The following CSMD1 variants were observed in gnomAD, a reference collection of about 807,000 sequenced individuals.
CSMD1 encodes the protein CUB and sushi domain-containing protein 1.
Under a neutral mutation model 417.5 loss-of-function variants are expected in CSMD1, and 213 were observed. The observed-to-expected ratio is 0.51, with a 90% CI of 0.46 to 0.57. CSMD1 has a LOEUF of 0.57. CSMD1 is among the 20% of genes least tolerant of loss of function. The pLI, the probability that CSMD1 is intolerant of heterozygous loss-of-function variation, is 0.00. For missense variants in CSMD1, 6,923 were observed against 4,529.7 expected (o/e 1.53, Z -15.17); for synonymous variants, 2,862 against 1,736.8 (o/e 1.65, Z -16.11).
At chr8:4,875,824 GACAC>G (rs146525901) in intron 1 of CSMD1, among the ~76,000 whole-genome samples, 17 of 149,936 alleles carry the variant, frequency 1.1e-4, no homozygotes, top group African/African-American at 2.2e-4. Flanking sequence ...CACAGAGACA[GACAC>G]ACACACACAC....
chr8:4,746,863 C>A (rs1339557249), intron 1 of CSMD1, among the ~76,000 whole-genome samples: 11 of 152,190 alleles, frequency 7.2e-5, no homozygotes, highest in Admixed American at 6.5e-4. Flanking sequence ...ACTCTGCAAA[C>A]AACATTCTTT....
intron 2 of CSMD1, among the ~76,000 whole-genome samples, chr8:4,603,463 C>G (rs573244308): frequency 9.9e-4 from 151 of 152,070 alleles, no homozygotes; most frequent in Admixed American, 3.5e-3. Context: ...AAGTTTGATC[C>G]TAACAAATGT....
At chr8:3,262,132 A>T (rs1801110979) in intron 26 of CSMD1, among the ~76,000 whole-genome samples, 1 of 145,816 alleles carries the variant, frequency 6.9e-6, no homozygotes, top group Non-Finnish European at 1.5e-5. Context: ...TATTCATTTG[A>T]ATTATGGACA....
At chr8:3,799,983 C>A (rs936971351) in intron 5 of CSMD1, among the ~76,000 whole-genome samples, 4 of 152,150 alleles carry the variant, frequency 2.6e-5, no homozygotes, top group Non-Finnish European at 5.9e-5. Context: ...GCATTTCACT[C>A]TGAAGTCCAC....
chr8:3,846,404 C>T (rs1320219440), intron 5 of CSMD1, among the ~76,000 whole-genome samples: 1 of 151,296 alleles, frequency 6.6e-6, no homozygotes, highest in Non-Finnish European at 1.5e-5. Flanking sequence ...AATAGATAAA[C>T]ATATGTAAGT....
chr8:3,454,293 G>C (rs55804612), intron 12 of CSMD1, among the ~76,000 whole-genome samples: 14,994 of 152,110 alleles, frequency 0.099, 884 homozygotes, highest in East Asian at 0.25. Context: ...CTTTTAATTG[G>C]AGCATTTGGC....
intron 23 of CSMD1, among the ~76,000 whole-genome samples, chr8:3,322,147 A>T (rs1468664729): frequency 6.6e-6 from 1 of 152,236 alleles, no homozygotes; most frequent in Non-Finnish European, 1.5e-5. Context: ...GGTCATAATG[A>T]GTTTGAGGAT....
At chr8:4,575,319 A>T (rs184160688) in intron 2 of CSMD1, among the ~76,000 whole-genome samples, 34 of 152,316 alleles carry the variant, frequency 2.2e-4, no homozygotes, top group Admixed American at 2.0e-3. Flanking sequence ...TAATAATGTG[A>T]TTCTGCAAAG....
At chr8:4,364,126 G>T (rs977687929) in intron 3 of CSMD1, among the ~76,000 whole-genome samples, 12 of 152,070 alleles carry the variant, frequency 7.9e-5, no homozygotes, top group African/African-American at 2.9e-4. Context: ...ATTATGCATT[G>T]CATGCCTGTA....
chr8:4,924,630 G>C (rs996378334), intron 1 of CSMD1, among the ~76,000 whole-genome samples: 1 of 136,942 alleles, frequency 7.3e-6, no homozygotes, highest in Non-Finnish European at 1.5e-5. Context: ...GCTGAGACAA[G>C]AGAATTACTT....
intron 24 of CSMD1, among the ~76,000 whole-genome samples, chr8:3,308,073 GTGATAATTCTAATAA>G (rs1563254209): frequency 2.7e-4 from 20 of 73,902 alleles, no homozygotes; most frequent in Non-Finnish European, 4.3e-4. Flanking sequence ...CTAATAATAT[GTGATAATTCTAATAA>G]TAACACTGTA....
chr8:3,882,265 A>T (rs777377957), intron 5 of CSMD1, among the ~76,000 whole-genome samples: 13 of 152,206 alleles, frequency 8.5e-5, no homozygotes, highest in Non-Finnish European at 1.5e-4. Flanking sequence ...TTAGAAAAAG[A>T]CACCAAATCA....
intron 6 of CSMD1, among the ~76,000 whole-genome samples, chr8:3,751,986 G>C (rs934842517): frequency 6.6e-6 from 1 of 152,132 alleles, no homozygotes; most frequent in Non-Finnish European, 1.5e-5. Flanking sequence ...GTACGGGATG[G>C]ACATATCCAT....
intron 1 of CSMD1, among the ~76,000 whole-genome samples, chr8:4,991,881 C>G (rs1811485675): frequency 6.6e-6 from 1 of 152,158 alleles, no homozygotes; most frequent in South Asian, 2.1e-4. Context: ...GAGACACGGT[C>G]CCTGGTCCCT....
At chr8:4,631,843 A>G (rs1042511078) in intron 2 of CSMD1, among the ~76,000 whole-genome samples, 1 of 152,174 alleles carries the variant, frequency 6.6e-6, no homozygotes, top group African/African-American at 2.4e-5. Context: ...CTCGAGATAA[A>G]TGCCAAAGCT....
intron 40 of CSMD1, among the ~76,000 whole-genome samples, chr8:3,150,698 G>C (rs1158890557): frequency 6.6e-6 from 1 of 152,138 alleles, no homozygotes; most frequent in Non-Finnish European, 1.5e-5. Context: ...GAGTGCTGTA[G>C]AGAAAATCAC....
At chr8:3,341,431 T>A (rs1186757515) in intron 23 of CSMD1, among the ~76,000 whole-genome samples, 1 of 152,098 alleles carries the variant, frequency 6.6e-6, no homozygotes, top group Non-Finnish European at 1.5e-5. Context: ...TGTTTACAAA[T>A]GAGAAATCAT....
chr8:3,253,616 G>A (rs539565278), intron 26 of CSMD1, among the ~76,000 whole-genome samples: 2 of 152,170 alleles, frequency 1.3e-5, no homozygotes, highest in African/African-American at 4.8e-5. Flanking sequence ...TCTGTCTAAA[G>A]TTGAGAGTGG....
At chr8:4,031,196 C>T (rs941554443) in intron 4 of CSMD1, among the ~76,000 whole-genome samples, 1 of 152,156 alleles carries the variant, frequency 6.6e-6, no homozygotes, top group Non-Finnish European at 1.5e-5. Flanking sequence ...TTCAGGAGTA[C>T]CCCACTCCTG....
Sources: gnomAD v4.1 joint callset for allele counts (sites outside exome capture counted in the v4.1 genomes callset) on GRCh38, gnomAD v4.1.1 for gene constraint, MANE v1.5 for transcripts, NCBI Gene and HGNC (gene_info 2026-07-23, HGNC 2026-07-21) for gene names.